The following UTRN variants were observed in gnomAD, a reference collection of about 807,000 sequenced individuals.
UTRN encodes the protein dystrophin-related protein 1.
In UTRN, 283 loss-of-function variants were observed where a neutral mutation model predicts 463.9. The observed-to-expected ratio is 0.61, with a 90% CI of 0.55 to 0.67. The LOEUF is 0.67. UTRN is among the 30% of genes least tolerant of loss of function. UTRN has a pLI of 0.00. For missense variants in UTRN, 3,922 were observed against 4,084.3 expected, an observed-to-expected ratio of 0.96 and a Z score of 1.08; for synonymous variants, 1,442 against 1,431.5, an observed-to-expected ratio of 1.01 and a Z score of -0.17.
chr6:144,446,114 G>GT (rs1414855093), intron 14 of UTRN, among the ~76,000 whole-genome samples: 1 of 152,182 alleles, frequency 6.6e-6, no homozygotes, highest in African/African-American at 2.4e-5. Flanking sequence ...CTTCTATCCA[G>GT]TAAAGTAATT....
chr6:144,734,505 A>G (rs1789142277), intron 54 of UTRN, among the ~76,000 whole-genome samples: 1 of 152,134 alleles, frequency 6.6e-6, no homozygotes, highest in East Asian at 1.9e-4. Context: ...TTCTTCCATC[A>G]GTCTTTGCAT....
intron 5 of UTRN, 61 bp downstream of exon 5, chr6:144,423,687 C>T (rs1785052568): frequency 1.0e-5 from 16 of 1,560,806 alleles, no homozygotes; most frequent in African/African-American, 1.4e-5. Context: ...TATTGTGAAA[C>T]TCACCAACTG....
chr6:144,514,004 G>T lies in UTRN; in HGVS notation c.5040G>T (p.Lys1680Asn), dbSNP rs1468481524. 2 of 1,613,938 alleles carry T rather than the reference G, an allele frequency of 1.2e-6. No individual in the cohort carries two copies. Among genetic ancestry groups the T allele is most frequent in the Non-Finnish European group, 1.7e-6 (2 of 1,179,912 alleles). Residue 1680 changes from lysine to asparagine, a missense_variant, in exon 36 of 75, where the codon AAG becomes AAT. By Grantham distance (94) the Lys-to-Asn change is moderately conservative. This residue lies in a region of UTRN where 2,349 missense variants were observed against 2,303.8 expected (regional missense o/e 1.02). Transcript: ENST00000367545. ...QAEALLDEIEKKPTSKQEEIV... is the reference protein window; with the variant it reads ...QAEALLDEIENKPTSKQEEIV... ...AAGCTCTATTGGATGAAATTGAAAA[G>T]AAACCAACAAGTAAACAGGAAGAAA...
At position 144,451,416 on chromosome 6, in the gene UTRN, A is replaced by G. The variant is rs1286861411; in HGVS notation, c.2119A>G (p.Lys707Glu). The G allele has an allele frequency of 5.6e-6, 9 of 1,613,426 alleles. No individual in the cohort carries two copies. The highest frequency in any genetic ancestry group is 6.8e-6 in the Non-Finnish European group (8 of 1,179,848). The change falls in exon 18 of 75, where the codon AAA becomes GAA. Residue 707 changes from lysine (K) to glutamate (E), a missense_variant. By Grantham distance (56) the Lys-to-Glu change is moderately conservative. This residue lies in a region of UTRN where 2,349 missense variants were observed against 2,303.8 expected (regional missense o/e 1.02). Coordinates refer to ENST00000367545, the MANE Select transcript of UTRN (RefSeq NM_007124.3). Reference protein sequence around the residue: ...AELLNWILKWKTAIQTTEIKE... With the variant: ...AELLNWILKWETAIQTTEIKE... ...GCTGTTGAACTGGATTTTGAAATGG[A>G]AAACTGCCATTCAGACCACAGAGAT...
At chr6:144,375,309 G>A (rs1393013904) in intron 2 of UTRN, among the ~76,000 whole-genome samples, 1 of 152,156 alleles carries the variant, frequency 6.6e-6, no homozygotes, top group Non-Finnish European at 1.5e-5. Flanking sequence ...ATGGTTATAA[G>A]AGCTAAATGA....
rs781052044 is a variant in UTRN at position 144,774,302 on chromosome 6, A to G, written c.8570A>G (p.Asn2857Ser). ...TTTTCTATTTCAGCTGACCTGAATA[A>G]TGTACGTTTTTCTGCCTACCGTACA... is the stretch of plus-strand genomic sequence containing the variant. ...ELFQSLADLN[N>S]VRFSAYRTAI... The change falls in exon 60 of 75, where the codon AAT becomes AGT. Residue 2857 changes from asparagine to serine, a missense_variant. By Grantham distance (46) the Asn-to-Ser change is conservative. Around this residue, in one of 3 missense-constraint regions of UTRN, gnomAD observed 1,309 missense variants for 1,452.6 expected, o/e 0.90. Coordinates refer to ENST00000367545, the MANE Select transcript of UTRN (RefSeq NM_007124.3). The G allele has an allele frequency of 5.4e-5, 87 of 1,603,776 alleles. No individual in the cohort carries two copies. The highest frequency in any genetic ancestry group is 7.4e-5 in the Non-Finnish European group (87 of 1,176,982).
intron 53 of UTRN, among the ~76,000 whole-genome samples, chr6:144,700,774 C>A (rs560250345): frequency 3.3e-5 from 5 of 151,510 alleles, no homozygotes; most frequent in Non-Finnish European, 5.9e-5. Flanking sequence ...TGCTCTGTCA[C>A]CCAGGTTGGA....
At chr6:144,325,572 A>G (rs1291006260) in intron 2 of UTRN, among the ~76,000 whole-genome samples, 3 of 152,164 alleles carry the variant, frequency 2.0e-5, no homozygotes, top group African/African-American at 7.2e-5. Flanking sequence ...ACAGCCTCCC[A>G]TCGCTGATCA....
intron 3 of UTRN, among the ~76,000 whole-genome samples, chr6:144,413,546 C>A (rs1784101844): frequency 6.6e-6 from 1 of 152,066 alleles, no homozygotes; most frequent in Non-Finnish European, 1.5e-5. Context: ...AGACCCACCC[C>A]CATGATTCAC....
chr6:144,739,801 C>A (rs1166044569), intron 54 of UTRN, among the ~76,000 whole-genome samples: 2 of 152,116 alleles, frequency 1.3e-5, no homozygotes, highest in Non-Finnish European at 2.9e-5. Flanking sequence ...CCAGAATATT[C>A]CAGGAGAGGG....
rs1243148985 is a variant in UTRN, at chr6:144,448,740, GAT to G, written c.2044_2045del (p.Ile682ProfsTer5). ...PPPPPPKKRQ[I>X]HVDIEAKKKF... Reference sequence around the variant, plus strand: ...CTCCTCCTCCCCCAAAGAAGAGACAGATCCATGTGGATATTGAAGCTAAGAAA... The same window carrying G: ...CTCCTCCTCCCCCAAAGAAGAGACAGCCATGTGGATATTGAAGCTAAGAAA... On this transcript the variant is annotated frameshift_variant, in exon 17 of 75. Transcript: ENST00000367545. LOFTEE classifies it high-confidence loss of function. 6.2e-7 allele frequency: 1 copy of G among 1,613,748 alleles called. No homozygotes were observed. Among genetic ancestry groups the G allele is most frequent in the Non-Finnish European group, 8.5e-7 (1 of 1,179,900 alleles).
At chr6:144,819,911 C>CCTCCTGTCT (rs11397588) in intron 65 of UTRN, among the ~76,000 whole-genome samples, 12,209 of 118,630 alleles carry the variant, frequency 0.1, 705 homozygotes, top group South Asian at 0.17. Context: ...TCCTCCTCCT[C>CCTCCTGTCT]CTCTCTCTCT....
At chr6:144,850,828 C>T (rs1317962384) in intron 74 of UTRN, among the ~76,000 whole-genome samples, 161 bp from the exon 75 acceptor site, 1 of 152,212 alleles carries the variant, frequency 6.6e-6, no homozygotes, top group African/African-American at 2.4e-5. Flanking sequence ...GACTAGGTAA[C>T]TTCAGCATGA....
chr6:144,843,726 C>T (rs1781789977), intron 73 of UTRN, among the ~76,000 whole-genome samples: 1 of 152,160 alleles, frequency 6.6e-6, no homozygotes, highest in African/African-American at 2.4e-5. Context: ...CCTGAGATTC[C>T]TTAATGTTTA....
At chr6:144,798,164 A>T (rs906069555) in intron 64 of UTRN, among the ~76,000 whole-genome samples, 174 bp downstream of exon 64, 1 of 152,170 alleles carries the variant, frequency 6.6e-6, no homozygotes, top group Admixed American at 6.5e-5. Context: ...TAACTACTAC[A>T]TGAAGCATAT....
intron 74 of UTRN, among the ~76,000 whole-genome samples, chr6:144,850,355 T>A (rs1782383987): frequency 6.6e-6 from 1 of 152,200 alleles, no homozygotes; most frequent in African/African-American, 2.4e-5. Context: ...CTTTTATGAT[T>A]TATGAGGCAT....
At chr6:144,350,020 C>A (rs1208595318) in intron 2 of UTRN, among the ~76,000 whole-genome samples, 2 of 152,102 alleles carry the variant, frequency 1.3e-5, no homozygotes, top group Non-Finnish European at 2.9e-5. Context: ...CAGGTTCTAC[C>A]ATTGTGCTAA....
chr6:144,423,022 T>C (rs1258793173), intron 4 of UTRN, among the ~76,000 whole-genome samples: 1 of 152,216 alleles, frequency 6.6e-6, no homozygotes, highest in Non-Finnish European at 1.5e-5. Flanking sequence ...TTCCGAGGGC[T>C]CTTGCAATGC....
intron 71 of UTRN, 59 bp from the exon 72 acceptor site, chr6:144,839,113 TG>T (rs1781342474): frequency 1.6e-5 from 21 of 1,341,168 alleles, no homozygotes; most frequent in Non-Finnish European, 2.2e-5. Context: ...AAAAAGGAAA[TG>T]TTTTTCCTTA....
Sources: gnomAD v4.1 joint callset for allele counts (sites outside exome capture counted in the v4.1 genomes callset) on GRCh38, gnomAD v4.1.1 for gene constraint, gnomAD v4.1.1 regional missense constraint, MANE v1.5 for transcripts, NCBI Gene and HGNC (gene_info 2026-07-23, HGNC 2026-07-21) for gene names.